The following EIF4G3 variants were observed in gnomAD, a reference collection of about 807,000 sequenced individuals.
EIF4G3 encodes eIF-4-gamma 3.
EIF4G3 carries 34 observed loss-of-function variants against 186.4 expected under a neutral mutation model. That is an observed-to-expected ratio of 0.18 (90% CI 0.14 to 0.24). The LOEUF is 0.24. Among genes scored for constraint, EIF4G3 ranks in the 10% least tolerant of loss-of-function variants. EIF4G3 has a pLI of 1.00. For synonymous variants in EIF4G3, 673 were observed against 679.5 expected (o/e 0.99, Z 0.15); for missense variants, 1,536 against 1,948.5 (o/e 0.79, Z 3.99).
intron 2 of EIF4G3, among the ~76,000 whole-genome samples, chr1:21,113,760 A>C (rs972423956): frequency 6.6e-6 from 1 of 152,192 alleles, no homozygotes; most frequent in African/African-American, 2.4e-5. Context: ...CATGACTTGT[A>C]ATCCCAGTAC....
intron 12 of EIF4G3, among the ~76,000 whole-genome samples, chr1:20,955,202 C>A (rs1302852712): frequency 6.6e-6 from 1 of 151,574 alleles, no homozygotes; most frequent in African/African-American, 2.4e-5. Context: ...TTTTAAGCAG[C>A]AATATGATAT....
chr1:20,878,286 C>T (rs1469271830), intron 20 of EIF4G3, among the ~76,000 whole-genome samples: 1 of 152,180 alleles, frequency 6.6e-6, no homozygotes, highest in Admixed American at 6.5e-5. Context: ...GTGTATTCCC[C>T]ATTGTGTCAG....
intron 2 of EIF4G3, among the ~76,000 whole-genome samples, chr1:21,129,488 A>G (rs1423918545): frequency 1.3e-5 from 2 of 152,084 alleles, no homozygotes; most frequent in African/African-American, 4.8e-5. Context: ...CATCTCTCAC[A>G]GTTGCTCATA....
chr1:21,069,170 A>C (rs1193378699), intron 3 of EIF4G3, among the ~76,000 whole-genome samples: 2 of 152,176 alleles, frequency 1.3e-5, no homozygotes, highest in Non-Finnish European at 2.9e-5. Context: ...CACTCATTCC[A>C]ATATCTTGTA....
chr1:21,066,751 G>A (rs2095257262), intron 3 of EIF4G3, among the ~76,000 whole-genome samples: 1 of 152,146 alleles, frequency 6.6e-6, no homozygotes. Context: ...ATCCATGCCT[G>A]GAGATACTAA....
chr1:21,122,142 T>C (rs935768473), intron 2 of EIF4G3, among the ~76,000 whole-genome samples: 6 of 152,172 alleles, frequency 3.9e-5, no homozygotes, highest in African/African-American at 7.2e-5. Flanking sequence ...TTCATGCATA[T>C]GTAAACAATA....
At chr1:21,092,241 T>G (rs1042258894) in intron 2 of EIF4G3, among the ~76,000 whole-genome samples, 1 of 152,068 alleles carries the variant, frequency 6.6e-6, no homozygotes, top group African/African-American at 2.4e-5. Context: ...CTGCATCTAT[T>G]GAGATAATCA....
At chr1:21,027,191 CA>C (rs149489583) in intron 4 of EIF4G3, among the ~76,000 whole-genome samples, 5 of 123,806 alleles carry the variant, frequency 4.0e-5, no homozygotes, top group African/African-American at 1.4e-4. Context: ...TACACACATA[CA>C]ATTTTTTTTT....
intron 2 of EIF4G3, among the ~76,000 whole-genome samples, chr1:21,140,268 A>G (rs1453988183): frequency 6.6e-6 from 1 of 152,196 alleles, no homozygotes; most frequent in African/African-American, 2.4e-5. Context: ...GAACAATAAA[A>G]TGTTCTTCCT....
At chr1:20,986,341 G>A (rs1291188476) in intron 7 of EIF4G3, among the ~76,000 whole-genome samples, 1 of 152,148 alleles carries the variant, frequency 6.6e-6, no homozygotes, top group Non-Finnish European at 1.5e-5. Flanking sequence ...CTCATTTAAA[G>A]CATTTAAATC....
rs184922220 is a variant in EIF4G3 at position 20,999,928 on chromosome 1, A to G, written c.144+1271T>C. Among the ~76,000 whole-genome samples, 735 of 152,244 alleles carry G rather than the reference A, an allele frequency of 4.8e-3. 6 individuals are homozygous for G. The highest frequency in any genetic ancestry group is 0.017 in the African/African-American group (700 of 41,540). Reference sequence around the variant, plus strand: ...AGCAGCCTTCTGTGAACTTGGATCCAGTGTTAATGCCACCCACCCACTTAC... The same window carrying G: ...AGCAGCCTTCTGTGAACTTGGATCCGGTGTTAATGCCACCCACCCACTTAC... On this transcript the variant is annotated intron_variant, in intron 6 of 36. Transcript: ENST00000602326.
intron 10 of EIF4G3, among the ~76,000 whole-genome samples, chr1:20,975,877 C>A (rs1046045703): frequency 4.6e-5 from 7 of 151,704 alleles, no homozygotes; most frequent in Non-Finnish European, 1.5e-5. Context: ...TTGGAAGACA[C>A]CCACGTACAG....
chr1:21,148,190 T>C (rs2102757450), intron 2 of EIF4G3, among the ~76,000 whole-genome samples: 1 of 152,136 alleles, frequency 6.6e-6, no homozygotes, highest in South Asian at 2.1e-4. Context: ...CATCTCAATA[T>C]CCCAAGTAGC....
intron 2 of EIF4G3, among the ~76,000 whole-genome samples, chr1:21,142,256 T>G (rs1283610764): frequency 6.6e-6 from 1 of 151,814 alleles, no homozygotes; most frequent in Non-Finnish European, 1.5e-5. Flanking sequence ...TCCCAGCATT[T>G]TGGGAGGTTG....
intron 12 of EIF4G3, among the ~76,000 whole-genome samples, chr1:20,953,258 TGTA>T (rs2096287579): frequency 1.3e-5 from 2 of 152,180 alleles, no homozygotes. Context: ...TCATCAATTA[TGTA>T]AATGGTAAAC....
chr1:21,036,349 GT>G (rs2093197798), intron 4 of EIF4G3, among the ~76,000 whole-genome samples: 2 of 152,254 alleles, frequency 1.3e-5, no homozygotes, highest in East Asian at 3.9e-4. Context: ...CTCTACACTT[GT>G]CTGCATACCT....
chr1:21,008,078 C>T (rs2085800651), intron 4 of EIF4G3, among the ~76,000 whole-genome samples: 1 of 152,170 alleles, frequency 6.6e-6, no homozygotes, highest in African/African-American at 2.4e-5. Context: ...TGACCCCAGG[C>T]TGTAGTGAGC....
chr1:20,902,779 T>TA (rs2090807553), intron 15 of EIF4G3, among the ~76,000 whole-genome samples: 1 of 152,172 alleles, frequency 6.6e-6, no homozygotes, highest in Admixed American at 6.5e-5. Flanking sequence ...TAGCTGGGAT[T>TA]ATAGGCGCGC....
intron 12 of EIF4G3, among the ~76,000 whole-genome samples, chr1:20,965,129 T>C (rs2074322963): frequency 6.6e-6 from 1 of 152,216 alleles, no homozygotes; most frequent in Non-Finnish European, 1.5e-5. Context: ...AACATAACTT[T>C]TCCCTGGTCA....
Sources: gnomAD v4.1 joint callset for allele counts (sites outside exome capture counted in the v4.1 genomes callset) on GRCh38, gnomAD v4.1.1 for gene constraint, MANE v1.5 for transcripts, NCBI Gene and HGNC (gene_info 2026-07-23, HGNC 2026-07-21) for gene names.